Variants in RARB observed in about 807,000 individuals in gnomAD.
RARB encodes retinoic acid receptor beta.
Under a neutral mutation model 51.9 loss-of-function variants are expected in RARB, and 17 were observed. The ratio of observed to expected loss-of-function variants is 0.33; its 90% CI spans 0.22 to 0.49. The LOEUF is 0.49. Among genes scored for constraint, RARB ranks in the 20% least tolerant of loss-of-function variants. RARB has a pLI of 0.99. For synonymous variants in RARB, 215 were observed against 195.4 expected (o/e 1.10, Z -0.84); for missense variants, 369 against 550.8 (o/e 0.67, Z 3.30).
intron 2 of RARB, among the ~76,000 whole-genome samples, chr3:24,940,422 T>G (rs1695638517): frequency 6.9e-6 from 1 of 145,076 alleles, no homozygotes; most frequent in Non-Finnish European, 1.5e-5. Context: ...AGATAAAAAT[T>G]AATTCTATTT....
intron 2 of RARB, among the ~76,000 whole-genome samples, 160 bp downstream of exon 2, chr3:25,461,501 T>C (rs543192293): frequency 6.6e-6 from 1 of 152,346 alleles, no homozygotes; most frequent in South Asian, 2.1e-4. Context: ...TCCTTATATA[T>C]CTTTGGTTTA....
chr3:24,889,949 T>C (rs376085263), intron 2 of RARB, among the ~76,000 whole-genome samples: 77 of 151,320 alleles, frequency 5.1e-4, no homozygotes, highest in African/African-American at 1.8e-3. Flanking sequence ...GTTTCTTGGA[T>C]AGCCCTGAAA....
chr3:25,325,093 A>G (rs900700621), intron 5 of RARB, among the ~76,000 whole-genome samples: 1 of 152,198 alleles, frequency 6.6e-6, no homozygotes, highest in African/African-American at 2.4e-5. Context: ...GCTTGATTAT[A>G]TGCTAAACAA....
At chr3:25,051,725 C>T (rs1479031941) in intron 2 of RARB, among the ~76,000 whole-genome samples, 1 of 151,912 alleles carries the variant, frequency 6.6e-6, no homozygotes, top group Non-Finnish European at 1.5e-5. Context: ...CAAAATAATG[C>T]AAGATAAGCT....
chr3:25,435,812 C>T (rs1708409633), intron 1 of RARB, among the ~76,000 whole-genome samples: 1 of 152,104 alleles, frequency 6.6e-6, no homozygotes, highest in African/African-American at 2.4e-5. Flanking sequence ...TCACATAGTG[C>T]ACTGGTTACA....
chr3:25,148,800 C>A (rs992548750), intron 4 of RARB, among the ~76,000 whole-genome samples: 12 of 152,048 alleles, frequency 7.9e-5, no homozygotes, highest in African/African-American at 2.9e-4. Context: ...TAAGTAGTTG[C>A]CAAATATTCC....
At chr3:25,495,097 A>G (rs1410012431) in intron 2 of RARB, among the ~76,000 whole-genome samples, 2 of 152,202 alleles carry the variant, frequency 1.3e-5, no homozygotes, top group Non-Finnish European at 2.9e-5. Context: ...GAACTAGACA[A>G]TTCACCAGGC....
intron 1 of RARB, among the ~76,000 whole-genome samples, chr3:24,843,867 C>T (rs1192044159): frequency 6.6e-6 from 1 of 151,334 alleles, no homozygotes. Context: ...CATTCCTTTT[C>T]ACCATTCTTT....
At chr3:24,843,512 T>G (rs1273671815) in intron 1 of RARB, among the ~76,000 whole-genome samples, 1 of 152,094 alleles carries the variant, frequency 6.6e-6, no homozygotes, top group African/African-American at 2.4e-5. Context: ...ACATTCTGGG[T>G]CCATTTTAAA....
At chr3:25,193,460 A>G (rs892207203) in intron 5 of RARB, among the ~76,000 whole-genome samples, 1 of 152,054 alleles carries the variant, frequency 6.6e-6, no homozygotes, top group Admixed American at 6.6e-5. Flanking sequence ...TCTGAGTAAG[A>G]TACTTCATTG....
intron 2 of RARB, among the ~76,000 whole-genome samples, chr3:24,890,319 G>A (rs1011015331): frequency 1.2e-4 from 18 of 152,324 alleles, no homozygotes; most frequent in African/African-American, 4.3e-4. Flanking sequence ...GCCATGGAAG[G>A]TGTTGAAGTT....
At chr3:24,851,427 C>CAA (rs1286953428) in intron 1 of RARB, among the ~76,000 whole-genome samples, 804 of 72,458 alleles carry the variant, frequency 0.011, 13 homozygotes, top group African/African-American at 0.038. Context: ...GACTTTGTCT[C>CAA]AAAAAAAAAA....
chr3:24,864,934 G>T (rs1367178400), intron 2 of RARB, among the ~76,000 whole-genome samples: 1 of 152,116 alleles, frequency 6.6e-6, no homozygotes, highest in Non-Finnish European at 1.5e-5. Flanking sequence ...GCTAGTCAAG[G>T]AACTGTACTT....
chr3:25,381,527 A>G (rs1706625027), intron 5 of RARB, among the ~76,000 whole-genome samples: 1 of 152,254 alleles, frequency 6.6e-6, no homozygotes, highest in South Asian at 2.1e-4. Flanking sequence ...CACTTAGAAC[A>G]GTGCCTAGAA....
At chr3:25,195,540 C>T (rs1701213230) in intron 5 of RARB, among the ~76,000 whole-genome samples, 1 of 151,926 alleles carries the variant, frequency 6.6e-6, no homozygotes, top group Non-Finnish European at 1.5e-5. Context: ...CATCTTATTC[C>T]TTTAACTACT....
chr3:25,210,553 T>TTTTTTTTA (rs869216441), intron 5 of RARB, among the ~76,000 whole-genome samples: 2 of 82,498 alleles, frequency 2.4e-5, no homozygotes, highest in South Asian at 4.4e-4. Context: ...TTTTTTTTTT[T>TTTTTTTTA]GAGATTGAGT....
At chr3:25,117,768 G>A (rs1699712422) in intron 3 of RARB, among the ~76,000 whole-genome samples, 1 of 152,078 alleles carries the variant, frequency 6.6e-6, no homozygotes, top group South Asian at 2.1e-4. Flanking sequence ...ATCATTGGTG[G>A]AACAAGTCAC....
intron 3 of RARB, among the ~76,000 whole-genome samples, chr3:25,118,378 G>A (rs1003264927): frequency 3.3e-5 from 5 of 152,120 alleles, no homozygotes; most frequent in Non-Finnish European, 5.9e-5. Context: ...AGGATGGAAT[G>A]TGGAGTATCT....
intron 5 of RARB, among the ~76,000 whole-genome samples, chr3:25,207,458 A>G (rs1413998328): frequency 6.6e-6 from 1 of 152,200 alleles, no homozygotes; most frequent in African/African-American, 2.4e-5. Flanking sequence ...ATATATTCTG[A>G]ATAATAGTAG....
Sources: gnomAD v4.1 joint callset for allele counts (sites outside exome capture counted in the v4.1 genomes callset) on GRCh38, gnomAD v4.1.1 for gene constraint, MANE v1.5 for transcripts, NCBI Gene and HGNC (gene_info 2026-07-23, HGNC 2026-07-21) for gene names.